PCSK5: variants seen among roughly 807,000 people sequenced by gnomAD.
The protein encoded by PCSK5 is proprotein convertase subtilisin/kexin type 5.
PCSK5 carries 129 observed loss-of-function variants against 233.2 expected under a neutral mutation model. The observed-to-expected ratio is 0.55, with a 90% CI of 0.48 to 0.64. The LOEUF (loss-of-function observed/expected upper bound fraction) is 0.64, where lower values mean the gene tolerates loss of function less well. PCSK5 is among the 30% of genes least tolerant of loss of function. The pLI is 0.00. For missense variants in PCSK5, 2,076 were observed against 2,430.1 expected, an observed-to-expected ratio of 0.85 and a Z score of 3.06; for synonymous variants, 825 against 879.2, an observed-to-expected ratio of 0.94 and a Z score of 1.09.
chr9:76,336,950 GA>G (rs1829694172), intron 34 of PCSK5, among the ~76,000 whole-genome samples: 1 of 151,932 alleles, frequency 6.6e-6, no homozygotes, highest in South Asian at 2.1e-4. Context: ...TCAATAAGGT[GA>G]AATAATGTTT....
At chr9:76,240,733 T>C in intron 24 of PCSK5, 49 bp downstream of exon 24, 1 of 1,257,326 alleles carries the variant, frequency 8.0e-7, no homozygotes, top group Admixed American at 2.0e-5. Flanking sequence ...GCTAAGTCCT[T>C]TTCCACACAT....
intron 8 of PCSK5, among the ~76,000 whole-genome samples, chr9:76,102,376 A>G (rs546846658): frequency 6.6e-6 from 1 of 152,326 alleles, no homozygotes; most frequent in South Asian, 2.1e-4. Context: ...TACCTCTTGC[A>G]TACTGTCTCA....
intron 17 of PCSK5, among the ~76,000 whole-genome samples, chr9:76,186,009 A>G (rs543852809): frequency 1.3e-5 from 2 of 152,352 alleles, no homozygotes; most frequent in African/African-American, 4.8e-5. Flanking sequence ...GCCGGTAGAA[A>G]CATGAGAGCC....
intron 35 of PCSK5, among the ~76,000 whole-genome samples, chr9:76,340,462 A>G (rs913203099): frequency 1.3e-5 from 2 of 151,374 alleles, no homozygotes; most frequent in South Asian, 4.2e-4. Context: ...CCTGACCAAC[A>G]TGGTGAAACC....
chr9:76,149,357 A>G (rs1022283153), intron 10 of PCSK5, among the ~76,000 whole-genome samples: 3 of 152,240 alleles, frequency 2.0e-5, no homozygotes, highest in African/African-American at 7.2e-5. Flanking sequence ...AAATCTTTGT[A>G]ATTACTATTA....
At chr9:76,349,285 A>AG (rs1446322695) in intron 35 of PCSK5, among the ~76,000 whole-genome samples, 9 of 141,014 alleles carry the variant, frequency 6.4e-5, no homozygotes, top group South Asian at 2.3e-4. Flanking sequence ...AAAAAAAAAA[A>AG]AAAAAAGAAA....
intron 2 of PCSK5, among the ~76,000 whole-genome samples, chr9:75,965,178 C>T (rs531504854): frequency 6.6e-6 from 1 of 152,124 alleles, no homozygotes; most frequent in Non-Finnish European, 1.5e-5. Context: ...TTAGTACGCA[C>T]TGTATTAGGG....
rs76574669 is a variant in PCSK5, at chr9:75,985,340, A to G, written c.298-792A>G. 1.3e-3 allele frequency among the ~76,000 whole-genome samples: 202 copies of G among 152,302 alleles called. 4 individuals are homozygous for G. In the East Asian group the frequency reaches 0.033, roughly 25 times the overall value. On this transcript the variant is annotated intron_variant, in intron 2 of 37. Coordinates refer to ENST00000674117, the MANE Select transcript of PCSK5 (RefSeq NM_001372043.1). ...AACAAGCTTATAACTAAATATTAAG[A>G]TGTTTCTCCAATAGAGCATGTTTGA...
intron 19 of PCSK5, 36 bp from the exon 20 acceptor site, chr9:76,189,595 G>A: frequency 7.7e-7 from 1 of 1,303,382 alleles, no homozygotes. Flanking sequence ...CTGTGCATGT[G>A]TGAATGGATT....
At chr9:76,281,682 T>C (rs1206346648) in intron 24 of PCSK5, among the ~76,000 whole-genome samples, 1 of 152,176 alleles carries the variant, frequency 6.6e-6, no homozygotes. Flanking sequence ...AGGGTCCCAC[T>C]CTGTCACCCA....
chr9:76,358,629 T>C lies in PCSK5; in HGVS notation c.5371T>C (p.Trp1791Arg). 1 of 1,612,746 alleles carries C rather than the reference T, an allele frequency of 6.2e-7. No individual in the cohort carries two copies. Among genetic ancestry groups the C allele is most frequent in the South Asian group, 1.1e-5 (1 of 91,074 alleles). ...VLLLGAAVVV[W>R]KKSRGRVQPA... is the part of the protein sequence containing the mutation. ...TCTGCTCGGGGCAGCTGTGGTAGTGTGGAAGAAATCTCGTGGCCGAGTCCA... is the reference window on the plus strand; with the variant it reads ...TCTGCTCGGGGCAGCTGTGGTAGTGCGGAAGAAATCTCGTGGCCGAGTCCA... The change falls in exon 38 of 38, where the codon TGG (tryptophan) becomes CGG (arginine). Residue 1791 changes from tryptophan (W) to arginine (R), a missense_variant. Trp to Arg is a moderately radical substitution (Grantham distance 101). Around this residue, in one of 6 missense-constraint regions of PCSK5, gnomAD observed 1,510 missense variants for 1,538.1 expected, o/e 0.98. Transcript: ENST00000674117.
At chr9:76,090,730 G>T (rs993036408) in intron 7 of PCSK5, among the ~76,000 whole-genome samples, 6 of 152,140 alleles carry the variant, frequency 3.9e-5, no homozygotes, top group Non-Finnish European at 5.9e-5. Context: ...TTCACAGAAT[G>T]GGGGGTTGAG....
intron 28 of PCSK5, among the ~76,000 whole-genome samples, chr9:76,302,561 G>T (rs560382009): frequency 3.3e-5 from 5 of 152,232 alleles, no homozygotes; most frequent in Non-Finnish European, 5.9e-5. Context: ...CCCAGTCACC[G>T]CAGCATTGTT....
At chr9:75,911,898 G>C (rs532649693) in intron 1 of PCSK5, among the ~76,000 whole-genome samples, 20 of 152,276 alleles carry the variant, frequency 1.3e-4, no homozygotes, top group African/African-American at 3.6e-4. Flanking sequence ...GTCAAACCAA[G>C]TCATATGACC....
chr9:76,050,326 C>T (rs1829577727), intron 5 of PCSK5, among the ~76,000 whole-genome samples: 1 of 152,020 alleles, frequency 6.6e-6, no homozygotes, highest in African/African-American at 2.4e-5. Flanking sequence ...TACATGACAT[C>T]GATTTCAGTG....
At chr9:76,308,842 A>G in intron 29 of PCSK5, 114 bp downstream of exon 29, 1 of 662,852 alleles carries the variant, frequency 1.5e-6, no homozygotes, top group Non-Finnish European at 2.7e-6. Context: ...TTCCCATCAC[A>G]TGTTCCTATT....
chr9:76,097,727 A>G (rs1831595140), intron 8 of PCSK5, among the ~76,000 whole-genome samples: 1 of 152,264 alleles, frequency 6.6e-6, no homozygotes, highest in Non-Finnish European at 1.5e-5. Flanking sequence ...TCATTACAAA[A>G]TAATGAGGAA....
intron 3 of PCSK5, among the ~76,000 whole-genome samples, chr9:76,002,310 T>A (rs1323453402): frequency 6.6e-6 from 1 of 152,194 alleles, no homozygotes; most frequent in Non-Finnish European, 1.5e-5. Flanking sequence ...GATCTTTAGT[T>A]TGATTACACG....
chr9:76,067,232 CAG>C (rs1408044032), intron 5 of PCSK5, among the ~76,000 whole-genome samples: 3 of 152,170 alleles, frequency 2.0e-5, no homozygotes, highest in Non-Finnish European at 4.4e-5. Context: ...GACAAAATAA[CAG>C]AGAATGCTTT....
Sources: gnomAD v4.1 joint callset for allele counts (sites outside exome capture counted in the v4.1 genomes callset) on GRCh38, gnomAD v4.1.1 for gene constraint, gnomAD v4.1.1 regional missense constraint, MANE v1.5 for transcripts, NCBI Gene and HGNC (gene_info 2026-07-23, HGNC 2026-07-21) for gene names.